TANGO6: variants seen among roughly 807,000 people sequenced by gnomAD.
TANGO6 encodes the protein transport and Golgi organization protein 6 homolog.
TANGO6 carries 90 observed loss-of-function variants against 114.2 expected under a neutral mutation model. The ratio of observed to expected loss-of-function variants is 0.79; its 90% CI spans 0.66 to 0.94. The LOEUF is 0.94. TANGO6 is among the 40% of genes least tolerant of loss of function. The pLI is 0.00. For missense variants in TANGO6, 1,274 were observed against 1,315.3 expected, an observed-to-expected ratio of 0.97 and a Z score of 0.49; for synonymous variants, 477 against 509.8, an observed-to-expected ratio of 0.94 and a Z score of 0.87.
chr16:68,974,575 C>T (rs1384634922), intron 15 of TANGO6, among the ~76,000 whole-genome samples: 1 of 152,098 alleles, frequency 6.6e-6, no homozygotes, highest in East Asian at 1.9e-4. Flanking sequence ...TCAGGAGAAT[C>T]GCTTGAACCT....
chr16:68,921,320 T>C (rs1369895544), intron 12 of TANGO6, among the ~76,000 whole-genome samples: 1 of 151,344 alleles, frequency 6.6e-6, no homozygotes, highest in Non-Finnish European at 1.5e-5. Context: ...GTAGCTGGGA[T>C]TACAGGCATG....
chr16:68,999,203 T>C (rs1185260423), intron 15 of TANGO6, among the ~76,000 whole-genome samples: 2 of 152,154 alleles, frequency 1.3e-5, no homozygotes, highest in African/African-American at 4.8e-5. Flanking sequence ...TGTATAAGCC[T>C]TGAGTCCAGC....
In TANGO6 at chr16:69,028,620, G is replaced by A. The variant is rs115370734; in HGVS notation, c.2994+5641G>A. ...TACACTCTAGTCTGGGTGACAGCGC[G>A]AGACTTTGTCTCAAAAAAAACTAAA... On this transcript the variant is annotated intron_variant, in intron 16 of 17. Coordinates refer to ENST00000261778, the MANE Select transcript of TANGO6 (RefSeq NM_024562.2). Among the ~76,000 whole-genome samples, 1,203 of 151,766 alleles carry A rather than the reference G, an allele frequency of 7.9e-3. 15 individuals are homozygous for A. The highest frequency in any genetic ancestry group is 0.028 in the African/African-American group (1,148 of 41,378).
At chr16:68,855,657 G>C (rs1961977056) in intron 1 of TANGO6, among the ~76,000 whole-genome samples, 1 of 151,938 alleles carries the variant, frequency 6.6e-6, no homozygotes. Context: ...GGCTGAGGCA[G>C]GTGGATCACC....
intron 15 of TANGO6, among the ~76,000 whole-genome samples, chr16:68,979,846 CTT>C (rs775591234): frequency 1.3e-4 from 18 of 136,242 alleles, no homozygotes; most frequent in African/African-American, 2.1e-4. Flanking sequence ...TGTTTTTTGA[CTT>C]TTTTTTTTTT....
intron 15 of TANGO6, among the ~76,000 whole-genome samples, chr16:69,020,900 ATGTATGTGTGTGTG>A (rs56219660): frequency 0.069 from 8,653 of 126,286 alleles, 326 homozygotes; most frequent in Non-Finnish European, 0.091. Flanking sequence ...TTATATATGT[ATGTATGTGTGTGTG>A]TGTGTGTGTG....
chr16:68,980,433 A>T lies in TANGO6; in HGVS notation c.2842+6265A>T, dbSNP rs866088604. Among the ~76,000 whole-genome samples the T allele has an allele frequency of 4.2e-3, 336 of 80,682 alleles. 2 individuals are homozygous for T. The highest frequency in any genetic ancestry group is 0.015 in the African/African-American group (289 of 19,050). The allele number at this position is 80,682 out of a possible 152,430, so 52.9% of individuals were successfully genotyped here. On this transcript the variant is annotated intron_variant, in intron 15 of 17. Transcript: ENST00000261778. The stretch of plus-strand genomic sequence containing the variant: ...TCTATATATATATATATATATATAT[A>T]TATTTTTTTTTTTTTTTTTGAGATA...
chr16:69,002,220 G>C (rs537136941), intron 15 of TANGO6, among the ~76,000 whole-genome samples: 3 of 151,926 alleles, frequency 2.0e-5, no homozygotes, highest in Non-Finnish European at 2.9e-5. Context: ...GCAAGAAAAC[G>C]GACAGGAGAA....
At position 68,930,273 on chromosome 16, in the gene TANGO6, T is replaced by C; in HGVS notation, c.2679T>C (p.Phe893=). 1.3e-6 allele frequency: 2 copies of C among 1,554,600 alleles called. No homozygotes were observed. The highest frequency in any genetic ancestry group is 1.7e-6 in the Non-Finnish European group (2 of 1,147,926). ...FLENLEHEDT[F]VYLSAIQGVA... is the part of the protein sequence containing the mutation. ...AAAACTTGGAACATGAAGACACTTTTGTATATCTATCTGCAATTCAGGGTA... is the reference window on the plus strand; with the variant it reads ...AAAACTTGGAACATGAAGACACTTTCGTATATCTATCTGCAATTCAGGGTA... The change falls in exon 14 of 18, where the codon TTT becomes TTC. Residue 893 remains phenylalanine, a synonymous_variant. Transcript: ENST00000261778.
chr16:68,869,241 T>C (rs1297904435), intron 4 of TANGO6, among the ~76,000 whole-genome samples: 2 of 152,192 alleles, frequency 1.3e-5, no homozygotes, highest in East Asian at 3.8e-4. Context: ...CCCAACACTT[T>C]GGGAGGCCAA....
intron 15 of TANGO6, among the ~76,000 whole-genome samples, chr16:68,994,576 ATT>A (rs766706508): frequency 5.7e-5 from 8 of 141,316 alleles, no homozygotes; most frequent in African/African-American, 1.3e-4. Context: ...CATTCCTGGG[ATT>A]TTTTTTTTTT....
chr16:68,973,070 G>A (rs1235420946), intron 14 of TANGO6: 1 of 454,740 alleles, frequency 2.2e-6, no homozygotes, highest in African/African-American at 2.0e-5. Context: ...ACCACTGAGG[G>A]GTCTGGGCAG....
intron 17 of TANGO6, among the ~76,000 whole-genome samples, chr16:69,061,352 G>A (rs1960112893): frequency 1.3e-5 from 2 of 151,220 alleles, no homozygotes; most frequent in South Asian, 4.2e-4. Flanking sequence ...ATCACCTGAG[G>A]GTCAGGAGTT....
chr16:69,061,554 A>C (rs1960115967), intron 17 of TANGO6, among the ~76,000 whole-genome samples: 1 of 152,074 alleles, frequency 6.6e-6, no homozygotes, highest in Non-Finnish European at 1.5e-5. Context: ...CTCTGTCTCA[A>C]AAACAAAAAA....
intron 11 of TANGO6, 149 bp from the exon 12 acceptor site, chr16:68,918,936 A>G (rs1963049918): frequency 8.8e-6 from 8 of 912,578 alleles, no homozygotes; most frequent in African/African-American, 6.7e-5. Context: ...ACTGAACATC[A>G]CATCTGCATG....
intron 17 of TANGO6, among the ~76,000 whole-genome samples, chr16:69,068,578 GCT>G (rs1388579249): frequency 6.6e-6 from 1 of 152,146 alleles, no homozygotes; most frequent in East Asian, 1.9e-4. Flanking sequence ...TGCATGTTAG[GCT>G]CTCTTCCAGG....
intron 16 of TANGO6, chr16:69,026,452 G>A (rs1326830239): frequency 1.1e-5 from 2 of 183,318 alleles, no homozygotes; most frequent in Admixed American, 1.0e-4. Flanking sequence ...CAGAAGGAAG[G>A]GCTATCTGAG....
chr16:68,932,271 G>T (rs1028545772), intron 14 of TANGO6, among the ~76,000 whole-genome samples: 2 of 151,926 alleles, frequency 1.3e-5, no homozygotes, highest in Non-Finnish European at 2.9e-5. Flanking sequence ...TGTATTTTTA[G>T]TAGAGACGGG....
chr16:69,040,019 C>T (rs1450256891), intron 16 of TANGO6, among the ~76,000 whole-genome samples: 1 of 152,174 alleles, frequency 6.6e-6, no homozygotes, highest in Non-Finnish European at 1.5e-5. Flanking sequence ...TAGCATTTGA[C>T]CTTACCTTTT....
Sources: gnomAD v4.1 joint callset for allele counts (sites outside exome capture counted in the v4.1 genomes callset) on GRCh38, gnomAD v4.1.1 for gene constraint, MANE v1.5 for transcripts, NCBI Gene and HGNC (gene_info 2026-07-23, HGNC 2026-07-21) for gene names.